MYO5B: variants seen among roughly 807,000 people sequenced by gnomAD.
MYO5B encodes the protein unconventional myosin-Vb.
In MYO5B, 143 loss-of-function variants were observed where a neutral mutation model predicts 229.3. The ratio of observed to expected loss-of-function variants is 0.62; its 90% CI spans 0.54 to 0.72. The LOEUF is 0.72. Ranked by LOEUF, MYO5B falls within the 30% of genes least tolerant of loss-of-function variation. The probability of loss-of-function intolerance (pLI) is 0.00; values close to 1 mark genes in which losing one functional copy is unlikely to be tolerated. For synonymous variants in MYO5B, 918 were observed against 885.2 expected, an observed-to-expected ratio of 1.04 and a Z score of -0.66; for missense variants, 2,321 against 2,331.0, an observed-to-expected ratio of 1.00 and a Z score of 0.09.
intron 29 of MYO5B, among the ~76,000 whole-genome samples, chr18:49,860,780 C>T (rs1207194058): frequency 1.3e-5 from 2 of 152,214 alleles, no homozygotes; most frequent in African/African-American, 2.4e-5. Context: ...AATGGTCTTT[C>T]ACAAATCACA....
intron 2 of MYO5B, among the ~76,000 whole-genome samples, chr18:50,050,605 T>C (rs2144409415): frequency 6.6e-6 from 1 of 152,336 alleles, no homozygotes; most frequent in Non-Finnish European, 1.5e-5. Flanking sequence ...CAACATTCAG[T>C]GCTGTCACAG....
chr18:50,122,618 G>A (rs1417922554), intron 1 of MYO5B, among the ~76,000 whole-genome samples: 1 of 13,802 alleles, frequency 7.2e-5, no homozygotes, highest in Non-Finnish European at 1.9e-4. Context: ...AAGAGAGGGA[G>A]GGAGGGAAGG....
chr18:49,907,326 T>A (rs1477207277), intron 18 of MYO5B, among the ~76,000 whole-genome samples: 3 of 152,226 alleles, frequency 2.0e-5, no homozygotes, highest in Admixed American at 6.5e-5. Context: ...GTTGTATGCA[T>A]AATTACAGGA....
At chr18:50,043,505 A>C (rs1327601383) in intron 2 of MYO5B, among the ~76,000 whole-genome samples, 1 of 92,088 alleles carries the variant, frequency 1.1e-5, no homozygotes, top group East Asian at 2.9e-4. Context: ...ATATAAATAT[A>C]AATATATTTA....
intron 29 of MYO5B, among the ~76,000 whole-genome samples, chr18:49,862,899 A>C (rs990788773): frequency 3.5e-4 from 30 of 84,982 alleles, no homozygotes; most frequent in Middle Eastern, 7.9e-3. Flanking sequence ...GCCACCCCCC[A>C]CCCCCCTCCC....
intron 1 of MYO5B, among the ~76,000 whole-genome samples, chr18:50,125,281 C>G (rs1366152533): frequency 6.6e-6 from 1 of 151,026 alleles, no homozygotes; most frequent in African/African-American, 2.4e-5. Context: ...GAAAGAAAAC[C>G]AAACACCGCA....
In MYO5B at chr18:49,840,728, GAGA is replaced by G. The variant is rs1203754674; in HGVS notation, c.4701+634_4701+636del. Among the ~76,000 whole-genome samples the G allele has an allele frequency of 9.8e-5, 15 of 152,334 alleles. No individual in the cohort carries two copies. In the East Asian group the frequency reaches 2.9e-3, roughly 29 times the overall value. ...TCATTGGGCAGAGTGCAGAGCATGG[GAGA>G]AGTTCTTTCAGGGACCAAAGCTAGG... On this transcript the variant is annotated intron_variant, in intron 35 of 39. Transcript: ENST00000285039.
intron 1 of MYO5B, among the ~76,000 whole-genome samples, chr18:50,055,760 G>C (rs950496705): frequency 6.6e-6 from 1 of 152,032 alleles, no homozygotes; most frequent in African/African-American, 2.4e-5. Flanking sequence ...ACAGGGAAAA[G>C]CCAAGACAGT....
chr18:49,892,078 C>A (rs575231449), intron 22 of MYO5B, among the ~76,000 whole-genome samples: 1 of 152,288 alleles, frequency 6.6e-6, no homozygotes, highest in South Asian at 2.1e-4. Flanking sequence ...GTGCCTAGGG[C>A]AGCCCTGGGG....
intron 1 of MYO5B, among the ~76,000 whole-genome samples, chr18:50,167,624 T>G (rs2032870305): frequency 6.6e-6 from 1 of 152,204 alleles, no homozygotes; most frequent in Non-Finnish European, 1.5e-5. Context: ...TCCCAGCTAT[T>G]TGTCCTCTAA....
rs185864408 is a variant in MYO5B, at chr18:50,036,851, T to C, written c.454A>G (p.Arg152Gly). 8.0e-4 allele frequency: 1,288 copies of C among 1,614,124 alleles called. 12 individuals carry two copies. The highest frequency in any genetic ancestry group is 3.7e-5 in the Non-Finnish European group (44 of 1,180,012). ...VAEEAYKQMA[R>G]DEKNQSIIVS... ...CTTCTGGGCTGAGGACATTCTCACC[T>C]GGCCATCTGCTTGTAGGCTTCTTCT... Residue 152 changes from arginine to glycine, a missense_variant and splice_region_variant, in exon 4 of 40, where the codon AGA becomes GGA. Coordinates refer to ENST00000285039, the MANE Select transcript of MYO5B (RefSeq NM_001080467.3).
intron 4 of MYO5B, among the ~76,000 whole-genome samples, chr18:50,010,674 C>A (rs1450281772): frequency 6.6e-6 from 1 of 152,182 alleles, no homozygotes; most frequent in Non-Finnish European, 1.5e-5. Flanking sequence ...AACAGAGGCA[C>A]GTGTTTCCTG....
intron 1 of MYO5B, among the ~76,000 whole-genome samples, chr18:50,110,345 T>C (rs1386574714): frequency 6.6e-6 from 1 of 152,218 alleles, no homozygotes; most frequent in African/African-American, 2.4e-5. Flanking sequence ...ATAAGCTCTC[T>C]GTGGCCTAAA....
chr18:49,862,554 T>C (rs1391832769), intron 29 of MYO5B, among the ~76,000 whole-genome samples: 1 of 152,234 alleles, frequency 6.6e-6, no homozygotes, highest in African/African-American at 2.4e-5. Flanking sequence ...GAGTGGACTC[T>C]GCAGTGCACC....
At chr18:49,892,523 C>T (rs529734265) in intron 22 of MYO5B, among the ~76,000 whole-genome samples, 24 of 152,326 alleles carry the variant, frequency 1.6e-4, no homozygotes, top group African/African-American at 5.5e-4. Context: ...AGCAGTCGGC[C>T]CCCTCACTGT....
chr18:49,919,721 G>T (rs1040006069), intron 17 of MYO5B, among the ~76,000 whole-genome samples: 1 of 152,182 alleles, frequency 6.6e-6, no homozygotes, highest in African/African-American at 2.4e-5. Context: ...TACGCTGCTG[G>T]TAAGAATGCA....
At chr18:50,097,797 C>T (rs533860825) in intron 1 of MYO5B, among the ~76,000 whole-genome samples, 3 of 152,148 alleles carry the variant, frequency 2.0e-5, no homozygotes, top group Non-Finnish European at 4.4e-5. Context: ...ATGAAGCAGC[C>T]GCAGGTGCCA....
intron 33 of MYO5B, among the ~76,000 whole-genome samples, chr18:49,844,948 C>T (rs1159805220): frequency 2.0e-5 from 3 of 152,166 alleles, no homozygotes; most frequent in African/African-American, 4.8e-5. Context: ...GGTAGGTGGT[C>T]GGCAGTCAAG....
intron 4 of MYO5B, among the ~76,000 whole-genome samples, chr18:50,025,011 T>C (rs2026315167): frequency 6.6e-6 from 1 of 152,224 alleles, no homozygotes; most frequent in Non-Finnish European, 1.5e-5. Flanking sequence ...CATTCAGTGT[T>C]CATGAGGTCG....
Sources: allele counts gnomAD v4.1 joint callset (sites outside exome capture counted in the v4.1 genomes callset), GRCh38; gene constraint gnomAD v4.1.1; transcripts MANE v1.5; gene names NCBI Gene and HGNC (gene_info 2026-07-23, HGNC 2026-07-21).